Variants in ENOX1 observed in about 807,000 individuals in gnomAD.
The protein encoded by ENOX1 is ecto-NOX disulfide-thiol exchanger 1, also known as candidate growth-related and time keeping constitutive hydroquinone (NADH) oxidase.
In ENOX1, 42 loss-of-function variants were observed where a neutral mutation model predicts 82.5. The ratio of observed to expected loss-of-function variants is 0.51; its 90% CI spans 0.40 to 0.66. The LOEUF is 0.66. Among genes scored for constraint, ENOX1 ranks in the 30% least tolerant of loss-of-function variants. ENOX1 has a pLI of 0.00. For synonymous variants in ENOX1, 271 were observed against 282.2 expected, an observed-to-expected ratio of 0.96 and a Z score of 0.40; for missense variants, 608 against 811.6, an observed-to-expected ratio of 0.75 and a Z score of 3.05.
chr13:43,508,845 A>G (rs1472580539), intron 2 of ENOX1, among the ~76,000 whole-genome samples: 1 of 152,044 alleles, frequency 6.6e-6, no homozygotes, highest in Middle Eastern at 3.2e-3. Context: ...TTCTTTGGGC[A>G]GTAAGTCTAG....
At chr13:43,726,278 G>C (rs953318041) in intron 1 of ENOX1, among the ~76,000 whole-genome samples, 1 of 147,576 alleles carries the variant, frequency 6.8e-6, no homozygotes, top group Non-Finnish European at 1.5e-5. Flanking sequence ...GTGCAGTGGT[G>C]TGATCTTGGC....
At chr13:43,693,707 A>G (rs2086489625) in intron 1 of ENOX1, among the ~76,000 whole-genome samples, 1 of 152,198 alleles carries the variant, frequency 6.6e-6, no homozygotes, top group Non-Finnish European at 1.5e-5. Flanking sequence ...AAACGCATGC[A>G]CAGGTTACCA....
chr13:43,775,478 T>G (rs984401487), intron 1 of ENOX1, among the ~76,000 whole-genome samples: 1 of 152,174 alleles, frequency 6.6e-6, no homozygotes. Context: ...TTTCTTCTGC[T>G]AAAGCTTTGA....
chr13:43,233,022 A>T (rs866384769), intron 15 of ENOX1, among the ~76,000 whole-genome samples: 3 of 152,302 alleles, frequency 2.0e-5, no homozygotes, highest in African/African-American at 7.2e-5. Flanking sequence ...GCCCCAAATC[A>T]AAAGTAATGA....
Position 43,359,831 on chromosome 13 carries a change from C to T in ENOX1, c.589+20G>A, listed in dbSNP as rs757096787. On this transcript the variant is annotated intron_variant, in intron 7 of 16. Coordinates refer to ENST00000690772, the MANE Select transcript of ENOX1 (RefSeq NM_001347969.2). ...AACATAACAAAATGCCTAGAAAACT[C>T]CTTATGTAATGCAAAGTACCAGAAA... is the stretch of plus-strand genomic sequence containing the variant. 6.2e-7 allele frequency: 1 copy of T among 1,608,602 alleles called. No individual in the cohort carries two copies. The highest frequency in any genetic ancestry group is 1.1e-5 in the South Asian group (1 of 90,886).
At chr13:43,502,087 T>C (rs944145137) in intron 2 of ENOX1, among the ~76,000 whole-genome samples, 12 of 151,690 alleles carry the variant, frequency 7.9e-5, no homozygotes, top group Non-Finnish European at 1.8e-4. Flanking sequence ...TAAACTATTA[T>C]ATGTGACAAT....
intron 9 of ENOX1, among the ~76,000 whole-genome samples, chr13:43,339,449 G>A (rs2048930465): frequency 6.6e-6 from 1 of 152,192 alleles, no homozygotes; most frequent in Non-Finnish European, 1.5e-5. Flanking sequence ...TCCATAAGGG[G>A]ACCCACATGC....
intron 15 of ENOX1, 67 bp downstream of exon 15, chr13:43,236,569 T>C (rs2042561048): frequency 7.2e-6 from 7 of 976,510 alleles, no homozygotes; most frequent in Non-Finnish European, 1.0e-5. Context: ...AGTTAATAAC[T>C]AAAATATTAA....
intron 1 of ENOX1, among the ~76,000 whole-genome samples, chr13:43,685,913 C>CACACACACACA (rs1555360182): frequency 6.8e-6 from 1 of 147,654 alleles, no homozygotes; most frequent in African/African-American, 2.5e-5. Context: ...CACACACACA[C>CACACACACACA]TACATGGTTG....
At chr13:43,432,901 C>A (rs975901615) in intron 3 of ENOX1, among the ~76,000 whole-genome samples, 1 of 152,012 alleles carries the variant, frequency 6.6e-6, no homozygotes, top group Non-Finnish European at 1.5e-5. Context: ...AAATCGTTAA[C>A]CCTATTCACC....
intron 12 of ENOX1, among the ~76,000 whole-genome samples, chr13:43,272,442 G>A (rs1031667213): frequency 1.3e-5 from 2 of 152,160 alleles, no homozygotes; most frequent in African/African-American, 2.4e-5. Flanking sequence ...GCCTGTCAGT[G>A]GTGTGTAAGA....
intron 5 of ENOX1, among the ~76,000 whole-genome samples, chr13:43,390,787 T>C (rs1021726660): frequency 2.6e-5 from 4 of 152,216 alleles, no homozygotes; most frequent in African/African-American, 4.8e-5. Context: ...GAGTTGTCTA[T>C]AGAAGGTTTC....
At chr13:43,575,914 C>G (rs2080401485) in intron 2 of ENOX1, among the ~76,000 whole-genome samples, 2 of 152,158 alleles carry the variant, frequency 1.3e-5, no homozygotes, top group Non-Finnish European at 2.9e-5. Flanking sequence ...TATAAGAAAC[C>G]ACATCCTAGC....
chr13:43,784,387 C>T lies in ENOX1; in HGVS notation c.-285+2265G>A, dbSNP rs139590168. 5.1e-3 allele frequency among the ~76,000 whole-genome samples: 781 copies of T among 152,306 alleles called. 5 individuals carry two copies. Among genetic ancestry groups the T allele is most frequent in the African/African-American group, 0.017 (711 of 41,568 alleles). On this transcript the variant is annotated intron_variant, in intron 1 of 16. Coordinates refer to ENST00000690772, the MANE Select transcript of ENOX1 (RefSeq NM_001347969.2). Reference sequence around the variant, plus strand: ...AATAGCAATAATTTCCAATTTGTCACATATATCAAATCCTGTTTCTTGAAT... The same window carrying T: ...AATAGCAATAATTTCCAATTTGTCATATATATCAAATCCTGTTTCTTGAAT...
intron 12 of ENOX1, among the ~76,000 whole-genome samples, chr13:43,281,872 G>A (rs2045405011): frequency 6.6e-6 from 1 of 152,074 alleles, no homozygotes; most frequent in African/African-American, 2.4e-5. Context: ...TCTGCTTCCA[G>A]GGACAATTTG....
At position 43,696,592 on chromosome 13, in the gene ENOX1, G is replaced by A. The variant is rs998481500; in HGVS notation, c.-284-29048C>T. 4.6e-5 allele frequency among the ~76,000 whole-genome samples: 7 copies of A among 152,144 alleles called. No individual in the cohort carries two copies. The East Asian group carries it at 5.8e-4, about 13-fold the overall frequency. On this transcript the variant is annotated intron_variant, in intron 1 of 16. Coordinates refer to ENST00000690772, the MANE Select transcript of ENOX1 (RefSeq NM_001347969.2). ...AGAATGTGGTGCTATAGGGCACACCGAAAGGATATCCATGCTAGTTAGCAA... is the reference window on the plus strand; with the variant it reads ...AGAATGTGGTGCTATAGGGCACACCAAAAGGATATCCATGCTAGTTAGCAA...
intron 1 of ENOX1, among the ~76,000 whole-genome samples, chr13:43,713,778 A>G (rs2087905593): frequency 6.6e-6 from 1 of 150,916 alleles, no homozygotes; most frequent in South Asian, 2.1e-4. Context: ...ATCATTTTTT[A>G]TTGCATCTAT....
chr13:43,580,583 T>C (rs1182417226), intron 2 of ENOX1, among the ~76,000 whole-genome samples: 2 of 152,206 alleles, frequency 1.3e-5, no homozygotes, highest in Non-Finnish European at 2.9e-5. Flanking sequence ...TGTCAGTGTG[T>C]GTCAGCCTCA....
chr13:43,305,648 G>T (rs892043329), intron 11 of ENOX1, among the ~76,000 whole-genome samples: 5 of 152,134 alleles, frequency 3.3e-5, no homozygotes, highest in Admixed American at 3.3e-4. Flanking sequence ...GTGCTGCTGG[G>T]CTGCTGCCAC....
Sources: allele counts gnomAD v4.1 joint callset (sites outside exome capture counted in the v4.1 genomes callset), GRCh38; gene constraint gnomAD v4.1.1; transcripts MANE v1.5; gene names NCBI Gene and HGNC (gene_info 2026-07-23, HGNC 2026-07-21).